FBN2: variants seen among roughly 807,000 people sequenced by gnomAD.
The protein encoded by FBN2 is fibrillin 2, also known as fibrillin-2.
Under a neutral mutation model 355.6 loss-of-function variants are expected in FBN2, and 105 were observed. The observed-to-expected ratio is 0.30, with a 90% CI of 0.25 to 0.35. FBN2 has a LOEUF of 0.35. FBN2 is among the 10% of genes least tolerant of loss of function. FBN2 has a pLI of 1.00. For synonymous variants in FBN2, 1,350 were observed against 1,301.2 expected (o/e 1.04, Z -0.81); for missense variants, 3,280 against 3,758.7 (o/e 0.87, Z 3.33).
chr5:128,346,605 TTTTC>T (rs1039520437), intron 23 of FBN2, among the ~76,000 whole-genome samples: 2 of 152,080 alleles, frequency 1.3e-5, no homozygotes, highest in Admixed American at 6.6e-5. Flanking sequence ...GTTCTATTTT[TTTTC>T]TTTCTTTCTT....
chr5:128,414,246 C>A (rs1393904751), intron 7 of FBN2, among the ~76,000 whole-genome samples: 1 of 151,976 alleles, frequency 6.6e-6, no homozygotes, highest in Non-Finnish European at 1.5e-5. Context: ...CATTTTCATC[C>A]CCCCCCAAGG....
intron 48 of FBN2, among the ~76,000 whole-genome samples, chr5:128,299,972 G>A (rs1479006534): frequency 1.3e-5 from 2 of 152,070 alleles, no homozygotes; most frequent in East Asian, 3.9e-4. Context: ...AATGACTAGG[G>A]GATACCCATG....
At chr5:128,344,700 C>CT (rs143617398) in intron 24 of FBN2, among the ~76,000 whole-genome samples, 190 bp from the exon 25 acceptor site, 1,656 of 139,142 alleles carry the variant, frequency 0.012, 13 homozygotes, top group African/African-American at 0.02. Flanking sequence ...ATCTTATATT[C>CT]TTTTTTTTTT....
chr5:128,503,896 C>T (rs1269250305), intron 5 of FBN2, among the ~76,000 whole-genome samples: 2 of 152,090 alleles, frequency 1.3e-5, no homozygotes, highest in African/African-American at 4.8e-5. Flanking sequence ...CCATCACAGG[C>T]CTGGAGGTCT....
intron 6 of FBN2, among the ~76,000 whole-genome samples, chr5:128,447,247 C>G (rs2898207): frequency 0.075 from 11,405 of 152,192 alleles, 668 homozygotes; most frequent in Admixed American, 0.21. Context: ...ACCATTAGGT[C>G]TGGCTGCCTG....
chr5:128,527,155 T>C (rs1039634018), intron 4 of FBN2, among the ~76,000 whole-genome samples: 12 of 152,304 alleles, frequency 7.9e-5, no homozygotes, highest in Admixed American at 7.8e-4. Context: ...AAGGTGACAT[T>C]ACTTCAAAAT....
intron 11 of FBN2, among the ~76,000 whole-genome samples, chr5:128,387,856 G>C (rs966957006): frequency 6.6e-6 from 1 of 152,124 alleles, no homozygotes; most frequent in African/African-American, 2.4e-5. Context: ...TATCTGTTGA[G>C]TCCATTTGGC....
chr5:128,389,783 C>T (rs913162182), intron 11 of FBN2, among the ~76,000 whole-genome samples: 3 of 152,180 alleles, frequency 2.0e-5, no homozygotes, highest in African/African-American at 4.8e-5. Context: ...CTATTTAATT[C>T]ACTTCTCAGG....
chr5:128,399,255 G>A (rs1752730904), intron 8 of FBN2, among the ~76,000 whole-genome samples: 1 of 152,098 alleles, frequency 6.6e-6, no homozygotes, highest in African/African-American at 2.4e-5. Flanking sequence ...CTTAAAAATA[G>A]GTGGAAAAAC....
At position 128,479,972 on chromosome 5, in the gene FBN2, CTCTCTATATATATATATATATATATATA is replaced by C. The variant is rs1315351605; in HGVS notation, c.629-15079_629-15052del. On this transcript the variant is annotated intron_variant, in intron 5 of 64. Transcript: ENST00000262464. ...TCTCTCTCTCTCTCTCTCTCTCTCT[CTCTCTATATATATATATATATATATATA>C]TATATATATATATATATATATATGT... Among the ~76,000 whole-genome samples, 94 of 20,484 alleles carry C rather than the reference CTCTCTATATATATATATATATATATATA, an allele frequency of 4.6e-3. 1 individual carries two copies. The highest frequency in any genetic ancestry group is 0.023 in the African/African-American group (67 of 2,932). The allele number at this position is 20,484 out of a possible 152,430, so 13.4% of individuals were successfully genotyped here.
chr5:128,297,551 T>A (rs950143959), intron 48 of FBN2, among the ~76,000 whole-genome samples: 1 of 152,230 alleles, frequency 6.6e-6, no homozygotes, highest in East Asian at 1.9e-4. Flanking sequence ...TTTAGGACAG[T>A]TCACTCTTCT....
At chr5:128,462,910 T>C (rs549751231) in intron 6 of FBN2, among the ~76,000 whole-genome samples, 2 of 152,294 alleles carry the variant, frequency 1.3e-5, no homozygotes, top group African/African-American at 2.4e-5. Flanking sequence ...TTCTACTGTA[T>C]ATTAGGCACT....
chr5:128,339,127 GTGC>G, intron 25 of FBN2, 66 bp from the exon 26 acceptor site: 2 of 1,544,798 alleles, frequency 1.3e-6, no homozygotes, highest in Middle Eastern at 3.4e-4. Flanking sequence ...CCAAGCGAAG[GTGC>G]TGCATGCTTG....
At position 128,502,587 on chromosome 5, in the gene FBN2, A is replaced by G. The variant is rs529766197; in HGVS notation, c.628+16686T>C. On this transcript the variant is annotated intron_variant, in intron 5 of 64. Coordinates refer to ENST00000262464, the MANE Select transcript of FBN2 (RefSeq NM_001999.4). ...CAAAAATTGAATCAATCTATAGGTG[A>G]GGTGAAAAAAAGCAACAATAAAAGA... 2.6e-5 allele frequency among the ~76,000 whole-genome samples: 3 copies of G among 113,468 alleles called. No homozygotes were observed. The South Asian group carries it at 7.7e-4, about 29-fold the overall frequency. 74.4% of individuals were successfully genotyped at this position (113,468 alleles called of 152,430 possible). A position where few individuals can be genotyped will look rare whatever the true frequency, so the allele number is the denominator to read the frequency against.
At chr5:128,500,900 G>A (rs1221737059) in intron 5 of FBN2, among the ~76,000 whole-genome samples, 1 of 152,168 alleles carries the variant, frequency 6.6e-6, no homozygotes, top group Non-Finnish European at 1.5e-5. Context: ...GAAAGGCCCA[G>A]TCATTGTGAT....
intron 14 of FBN2, among the ~76,000 whole-genome samples, chr5:128,376,353 T>C (rs1452002849): frequency 1.3e-5 from 2 of 152,230 alleles, no homozygotes; most frequent in African/African-American, 2.4e-5. Flanking sequence ...AAACCCATAA[T>C]GAATGACAGT....
chr5:128,290,783 G>A lies in FBN2; in HGVS notation c.6394C>T (p.Pro2132Ser), dbSNP rs752267065. 3.7e-6 allele frequency: 6 copies of A among 1,614,052 alleles called. No homozygotes were observed. In the South Asian group the frequency reaches 6.6e-5, roughly 18 times the overall value. The change falls in exon 50 of 65, where the codon CCA (proline) becomes TCA (serine). Residue 2132 changes from proline (P) to serine (S), a missense_variant. Transcript: ENST00000262464. ...TKAKCCCSKM[P>S]GEGWGDPCEL... ...CAGGGGTCCCCCCAGCCCTCTCCTGGCATCTTACTACAGCAGCATTTTGCT... is the reference window on the plus strand; with the variant it reads ...CAGGGGTCCCCCCAGCCCTCTCCTGACATCTTACTACAGCAGCATTTTGCT...
chr5:128,290,697 C>A lies in FBN2; in HGVS notation c.6445+35G>T, dbSNP rs780749475. ...TCTGGCAAACATTCAAAAACTGGTACACAAAGTGCTGTCTGATGATGTCAT... is the reference window on the plus strand; with the variant it reads ...TCTGGCAAACATTCAAAAACTGGTAAACAAAGTGCTGTCTGATGATGTCAT... On this transcript the variant is annotated intron_variant, in intron 50 of 64. Transcript: ENST00000262464. 4 of 1,609,852 alleles carry A rather than the reference C, an allele frequency of 2.5e-6. No individual in the cohort carries two copies. The South Asian group carries it at 4.4e-5, about 18-fold the overall frequency.
At chr5:128,281,455 C>T (rs1017285718) in intron 55 of FBN2, among the ~76,000 whole-genome samples, 4 of 152,136 alleles carry the variant, frequency 2.6e-5, no homozygotes, top group Admixed American at 2.6e-4. Flanking sequence ...TGAAAGCTCT[C>T]GGCCATAGTA....
Sources: gnomAD v4.1 joint callset for allele counts (sites outside exome capture counted in the v4.1 genomes callset) on GRCh38, gnomAD v4.1.1 for gene constraint, MANE v1.5 for transcripts, NCBI Gene and HGNC (gene_info 2026-07-23, HGNC 2026-07-21) for gene names.